CPNE4: variants seen among roughly 807,000 people sequenced by gnomAD.
The protein encoded by CPNE4 is copine 4.
A neutral mutation model predicts 67.9 loss-of-function variants in CPNE4; 25 were observed. The ratio of observed to expected loss-of-function variants is 0.37; its 90% CI spans 0.27 to 0.51. The LOEUF (loss-of-function observed/expected upper bound fraction) is 0.51. Among genes scored for constraint, CPNE4 ranks in the 20% least tolerant of loss-of-function variants. CPNE4 has a pLI of 0.93. For synonymous variants in CPNE4, 242 were observed against 244.9 expected (o/e 0.99, Z 0.11); for missense variants, 464 against 690.8 (o/e 0.67, Z 3.68).
At chr3:131,633,944 C>T (rs1300917855) in intron 7 of CPNE4, among the ~76,000 whole-genome samples, 2 of 152,066 alleles carry the variant, frequency 1.3e-5, no homozygotes, top group Non-Finnish European at 2.9e-5. Context: ...GTTGTTACTA[C>T]TCACCTATGT....
chr3:131,987,923 C>T (rs1328411460), intron 1 of CPNE4, among the ~76,000 whole-genome samples: 2 of 152,156 alleles, frequency 1.3e-5, no homozygotes, highest in African/African-American at 2.4e-5. Flanking sequence ...ATGTGCCAAG[C>T]ACAGGGCTGT....
chr3:131,761,210 C>CTTTT (rs151161125), intron 2 of CPNE4, among the ~76,000 whole-genome samples: 2 of 119,462 alleles, frequency 1.7e-5, no homozygotes, highest in East Asian at 2.5e-4. Flanking sequence ...TCACTTCGTA[C>CTTTT]TTTTTTTTTT....
chr3:131,910,508 A>G (rs2088937060), intron 1 of CPNE4, among the ~76,000 whole-genome samples: 2 of 152,188 alleles, frequency 1.3e-5, no homozygotes, highest in Non-Finnish European at 2.9e-5. Flanking sequence ...AAGTGCAGGA[A>G]GCAAAGAAGT....
At chr3:131,886,268 C>G (rs944657025) in intron 2 of CPNE4, among the ~76,000 whole-genome samples, 1 of 152,206 alleles carries the variant, frequency 6.6e-6, no homozygotes, top group Non-Finnish European at 1.5e-5. Flanking sequence ...GTCTGTGGTG[C>G]AAGCCCCAAG....
chr3:131,574,556 C>T (rs1278233140), intron 10 of CPNE4, among the ~76,000 whole-genome samples: 3 of 152,122 alleles, frequency 2.0e-5, no homozygotes, highest in South Asian at 2.1e-4. Flanking sequence ...ACCTTGACCT[C>T]GGCCTGGTTC....
intron 1 of CPNE4, among the ~76,000 whole-genome samples, chr3:132,000,434 C>A (rs1333124622): frequency 3.9e-5 from 6 of 152,014 alleles, no homozygotes; most frequent in Non-Finnish European, 8.8e-5. Flanking sequence ...CACAAAATTT[C>A]TTGACCTCAT....
intron 1 of CPNE4, among the ~76,000 whole-genome samples, chr3:131,985,353 T>TG (rs1279077228): frequency 6.6e-6 from 1 of 152,226 alleles, no homozygotes; most frequent in African/African-American, 2.4e-5. Context: ...ATCCTTGTCT[T>TG]GGAGTCTGCT....
At chr3:131,653,143 C>CTTTTTTTTTTTTTTT (rs1206489252) in intron 7 of CPNE4, among the ~76,000 whole-genome samples, 1 of 98,614 alleles carries the variant, frequency 1.0e-5, no homozygotes, top group Non-Finnish European at 1.9e-5. Flanking sequence ...GATAGGACTT[C>CTTTTTTTTTTTTTTT]TTTTTTTTTT....
intron 7 of CPNE4, among the ~76,000 whole-genome samples, chr3:131,653,143 CTT>C (rs1206489252): frequency 8.1e-5 from 8 of 98,614 alleles, no homozygotes; most frequent in South Asian, 3.5e-4. Flanking sequence ...GATAGGACTT[CTT>C]TTTTTTTTTT....
intron 3 of CPNE4, among the ~76,000 whole-genome samples, chr3:131,704,232 C>T (rs2081368228): frequency 6.6e-6 from 1 of 152,202 alleles, no homozygotes; most frequent in African/African-American, 2.4e-5. Flanking sequence ...GGTAGGGCTT[C>T]CAACAGCCAA....
chr3:131,571,776 T>A (rs960365265), intron 10 of CPNE4, among the ~76,000 whole-genome samples: 3 of 151,970 alleles, frequency 2.0e-5, no homozygotes, highest in Non-Finnish European at 4.4e-5. Flanking sequence ...TTCAAGGCCC[T>A]CGTCAATATC....
At chr3:131,561,453 T>G (rs541783536) in intron 11 of CPNE4, among the ~76,000 whole-genome samples, 5 of 152,020 alleles carry the variant, frequency 3.3e-5, no homozygotes, top group African/African-American at 1.2e-4. Context: ...ACCATCTCTT[T>G]CAGAGGCTGA....
At chr3:132,006,269 C>T (rs1166148818) in intron 1 of CPNE4, among the ~76,000 whole-genome samples, 2 of 152,050 alleles carry the variant, frequency 1.3e-5, no homozygotes, top group African/African-American at 4.8e-5. Context: ...GACACACCAC[C>T]ATGGGCCATA....
chr3:131,742,952 C>T (rs1249288264), intron 2 of CPNE4, among the ~76,000 whole-genome samples: 2 of 151,662 alleles, frequency 1.3e-5, no homozygotes, highest in East Asian at 3.9e-4. Context: ...TCTTAATAAA[C>T]AAGAATAATA....
chr3:131,657,639 A>C lies in CPNE4; in HGVS notation c.681+12036T>G, dbSNP rs375646080. ...AACCTCCAACTCACTGGTTCAAGAG[A>C]TTCTCCTGCCTCAGCCTCCCGAGGA... On this transcript the variant is annotated intron_variant, in intron 7 of 15. Transcript: ENST00000429747. 2.9e-4 allele frequency among the ~76,000 whole-genome samples: 43 copies of C among 148,192 alleles called. No homozygotes were observed. In the East Asian group the frequency reaches 5.8e-3, roughly 20 times the overall value.
At chr3:132,034,150 A>G (rs2074299160) in intron 1 of CPNE4, among the ~76,000 whole-genome samples, 1 of 152,156 alleles carries the variant, frequency 6.6e-6, no homozygotes, top group Non-Finnish European at 1.5e-5. Context: ...AATGTCCCAC[A>G]GCTTTCTCAC....
At chr3:132,024,938 C>T (rs904878662) in intron 1 of CPNE4, among the ~76,000 whole-genome samples, 4 of 152,164 alleles carry the variant, frequency 2.6e-5, no homozygotes, top group African/African-American at 9.7e-5. Flanking sequence ...ATTTAAGGCA[C>T]TGGTTCCCAA....
At chr3:131,956,039 C>A (rs2071959204) in intron 1 of CPNE4, among the ~76,000 whole-genome samples, 1 of 152,118 alleles carries the variant, frequency 6.6e-6, no homozygotes, top group South Asian at 2.1e-4. Context: ...GATATTGATA[C>A]ACAAATCCAT....
At chr3:131,681,151 T>C (rs1322274770) in intron 6 of CPNE4, among the ~76,000 whole-genome samples, 1 of 152,238 alleles carries the variant, frequency 6.6e-6, no homozygotes, top group Non-Finnish European at 1.5e-5. Flanking sequence ...CTTTTACCCT[T>C]TCTACTCAAA....
Sources: allele counts gnomAD v4.1 joint callset (sites outside exome capture counted in the v4.1 genomes callset), GRCh38; gene constraint gnomAD v4.1.1; transcripts MANE v1.5; gene names NCBI Gene and HGNC (gene_info 2026-07-23, HGNC 2026-07-21).